TBC1D1: variants seen among roughly 807,000 people sequenced by gnomAD.
The protein encoded by TBC1D1 is TBC1 domain family member 1.
Under a neutral mutation model 125.6 loss-of-function variants are expected in TBC1D1, and 89 were observed. The observed-to-expected ratio is 0.71, with a 90% CI of 0.60 to 0.85. The LOEUF (loss-of-function observed/expected upper bound fraction) is 0.85. Ranked by LOEUF, TBC1D1 falls within the 40% of genes least tolerant of loss-of-function variation. The pLI, the probability that TBC1D1 is intolerant of heterozygous loss-of-function variation, is 0.00. For synonymous variants in TBC1D1, 565 were observed against 564.1 expected (o/e 1.00, Z -0.02); for missense variants, 1,377 against 1,469.2 (o/e 0.94, Z 1.03).
chr4:37,970,342 G>A (rs1195479063), intron 2 of TBC1D1, among the ~76,000 whole-genome samples: 1 of 152,226 alleles, frequency 6.6e-6, no homozygotes, highest in Non-Finnish European at 1.5e-5. Flanking sequence ...TGTAAGAGAT[G>A]ATTGCATATC....
intron 14 of TBC1D1, among the ~76,000 whole-genome samples, chr4:38,101,047 A>G (rs1218082828): frequency 6.6e-6 from 1 of 152,156 alleles, no homozygotes; most frequent in Non-Finnish European, 1.5e-5. Context: ...CATGAGGATA[A>G]TCATGTTTCC....
intron 18 of TBC1D1, among the ~76,000 whole-genome samples, chr4:38,132,336 A>C (rs1054614116): frequency 6.6e-6 from 1 of 152,176 alleles, no homozygotes; most frequent in African/African-American, 2.4e-5. Flanking sequence ...TGCCTTGGGC[A>C]GCAGCAGCAG....
chr4:37,944,014 G>T (rs1560510733), intron 2 of TBC1D1, among the ~76,000 whole-genome samples: 1 of 152,138 alleles, frequency 6.6e-6, no homozygotes, highest in Non-Finnish European at 1.5e-5. Context: ...TGGGGTTTTG[G>T]TGTGGATGTC....
At chr4:37,991,325 G>C (rs773144790) in intron 2 of TBC1D1, among the ~76,000 whole-genome samples, 5 of 152,194 alleles carry the variant, frequency 3.3e-5, no homozygotes, top group South Asian at 2.1e-4. Context: ...TGGGTGTTAA[G>C]AACAGTCCAC....
intron 7 of TBC1D1, among the ~76,000 whole-genome samples, chr4:38,028,834 G>A (rs550580517): frequency 9.2e-5 from 14 of 152,218 alleles, no homozygotes; most frequent in Admixed American, 5.2e-4. Flanking sequence ...ACAATGTTTG[G>A]TACATGAACT....
At chr4:37,909,535 T>G (rs1218728330) in intron 2 of TBC1D1, among the ~76,000 whole-genome samples, 1 of 152,206 alleles carries the variant, frequency 6.6e-6, no homozygotes, top group African/African-American at 2.4e-5. Flanking sequence ...GCTCATTACT[T>G]TCTTTCTTCG....
chr4:37,998,513 C>T (rs991840680), intron 2 of TBC1D1, among the ~76,000 whole-genome samples: 21 of 152,176 alleles, frequency 1.4e-4, no homozygotes, highest in Non-Finnish European at 2.9e-5. Flanking sequence ...TCCTCGTCTG[C>T]CTCCCCTGAC....
intron 15 of TBC1D1, among the ~76,000 whole-genome samples, chr4:38,107,425 A>G (rs1761506025): frequency 2.0e-5 from 3 of 152,184 alleles, no homozygotes; most frequent in Admixed American, 2.0e-4. Flanking sequence ...ATAAAGCAAA[A>G]TCAAATCCAT....
At chr4:37,949,879 C>T (rs77381190) in intron 2 of TBC1D1, among the ~76,000 whole-genome samples, 1 of 152,282 alleles carries the variant, frequency 6.6e-6, no homozygotes, top group East Asian at 1.9e-4. Context: ...ATTTGACCTG[C>T]TGACTGTAGT....
intron 2 of TBC1D1, among the ~76,000 whole-genome samples, chr4:37,906,605 T>TC (rs766414565): frequency 1.8e-4 from 27 of 152,340 alleles, no homozygotes; most frequent in Non-Finnish European, 3.5e-4. Flanking sequence ...TTAGCAGGAT[T>TC]CATGTTTCTC....
intron 2 of TBC1D1, among the ~76,000 whole-genome samples, chr4:37,946,488 A>C (rs1189770720): frequency 6.6e-6 from 1 of 152,380 alleles, no homozygotes; most frequent in South Asian, 2.1e-4. Context: ...TAACACTAAA[A>C]GGGAAGAAAC....
At chr4:37,932,316 G>A (rs11934900) in intron 2 of TBC1D1, among the ~76,000 whole-genome samples, 2,350 of 152,232 alleles carry the variant, frequency 0.015, 75 homozygotes, top group African/African-American at 0.053. Flanking sequence ...TCTAATTTAT[G>A]CAGAAAACTA....
intron 2 of TBC1D1, among the ~76,000 whole-genome samples, chr4:38,009,152 A>G (rs1310398045): frequency 2.0e-5 from 3 of 152,240 alleles, no homozygotes; most frequent in Non-Finnish European, 4.4e-5. Flanking sequence ...CCTTACGACC[A>G]ACAAATACAA....
At chr4:38,044,778 T>A (rs1410288687) in intron 9 of TBC1D1, among the ~76,000 whole-genome samples, 1 of 152,196 alleles carries the variant, frequency 6.6e-6, no homozygotes, top group Non-Finnish European at 1.5e-5. Flanking sequence ...ATGCATTAGA[T>A]ACACTGAAGT....
intron 12 of TBC1D1, among the ~76,000 whole-genome samples, chr4:38,075,754 A>G (rs749220218): frequency 6.6e-6 from 1 of 152,130 alleles, no homozygotes; most frequent in East Asian, 1.9e-4. Flanking sequence ...ACTGGAGCCT[A>G]TAGTAGTTTA....
intron 2 of TBC1D1, among the ~76,000 whole-genome samples, chr4:37,950,748 A>G (rs1727669211): frequency 6.6e-6 from 1 of 150,646 alleles, no homozygotes; most frequent in African/African-American, 2.4e-5. Context: ...ATGTACAATG[A>G]CATGTAGTCA....
chr4:38,133,158 C>T lies in TBC1D1; in HGVS notation c.3207C>T (p.Ile1069=), dbSNP rs759170557. The change falls in exon 19 of 20, where the codon ATC becomes ATT. Residue 1069 remains isoleucine, a synonymous_variant. Coordinates refer to ENST00000261439, the MANE Select transcript of TBC1D1 (RefSeq NM_015173.4). ...ACCACGTCCTTCAAGAAGAACTTAT[C>T]GATTCCTCTCCTCTCAGTGACAACC... The T allele has an allele frequency of 9.3e-6, 15 of 1,614,128 alleles. No homozygotes were observed. The highest frequency in any genetic ancestry group is 1.7e-4 in the Middle Eastern group (1 of 6,060).
intron 2 of TBC1D1, among the ~76,000 whole-genome samples, chr4:37,905,617 G>A (rs928519213): frequency 6.6e-6 from 1 of 152,172 alleles, no homozygotes; most frequent in Non-Finnish European, 1.5e-5. Flanking sequence ...TAAAGCTTTG[G>A]CTAACTTTCT....
In TBC1D1 at chr4:38,049,827, G is replaced by C; in HGVS notation, c.1839G>C (p.Gly613=). ...AGGAACCTCCACAACCTGCCCGGGGGTCCCCGGGGGTTTCGCAAAGGAAAC... is the reference window on the plus strand; with the variant it reads ...AGGAACCTCCACAACCTGCCCGGGGCTCCCCGGGGGTTTCGCAAAGGAAAC... The change falls in exon 11 of 20, where the codon GGG becomes GGC. Residue 613 remains glycine (G), a synonymous_variant. Coordinates refer to ENST00000261439, the MANE Select transcript of TBC1D1 (RefSeq NM_015173.4). The C allele has an allele frequency of 6.2e-7, 1 of 1,614,024 alleles. No homozygotes were observed. The highest frequency in any genetic ancestry group is 1.1e-5 in the South Asian group (1 of 91,066).
Sources: gnomAD v4.1 joint callset for allele counts (sites outside exome capture counted in the v4.1 genomes callset) on GRCh38, gnomAD v4.1.1 for gene constraint, MANE v1.5 for transcripts, NCBI Gene and HGNC (gene_info 2026-07-23, HGNC 2026-07-21) for gene names.